CTNNA2: variants seen among roughly 807,000 people sequenced by gnomAD.
CTNNA2 encodes catenin alpha-2.
CTNNA2 carries 42 observed loss-of-function variants against 101.0 expected under a neutral mutation model. The ratio of observed to expected loss-of-function variants is 0.42; its 90% CI spans 0.32 to 0.54. CTNNA2 has a LOEUF of 0.54. Ranked by LOEUF, CTNNA2 falls within the 20% of genes least tolerant of loss-of-function variation. CTNNA2 has a pLI of 0.14. For synonymous variants in CTNNA2, 450 were observed against 456.4 expected, an observed-to-expected ratio of 0.99 and a Z score of 0.18; for missense variants, 871 against 1,223.1, an observed-to-expected ratio of 0.71 and a Z score of 4.29.
At chr2:79,241,914 C>CTTTTCTTTTCT (rs1553385435) in intron 2 of CTNNA2, among the ~76,000 whole-genome samples, 151 of 116,998 alleles carry the variant, frequency 1.3e-3, no homozygotes, top group African/African-American at 3.8e-3. Flanking sequence ...CTTTTCTTTT[C>CTTTTCTTTTCT]TTTTTTTTTG....
chr2:80,466,570 C>T (rs565770117), intron 9 of CTNNA2, among the ~76,000 whole-genome samples: 100 of 152,034 alleles, frequency 6.6e-4, no homozygotes, highest in African/African-American at 2.3e-3. Flanking sequence ...AAAAAGAAAC[C>T]TTTTTCAAAA....
intron 2 of CTNNA2, among the ~76,000 whole-genome samples, chr2:79,255,325 T>C (rs1475255622): frequency 2.0e-5 from 3 of 152,220 alleles, no homozygotes; most frequent in Non-Finnish European, 4.4e-5. Context: ...AAAGTTGCCA[T>C]ATTTCAGAAC....
At chr2:79,305,928 C>T (rs532079102) in intron 2 of CTNNA2, among the ~76,000 whole-genome samples, 1 of 151,558 alleles carries the variant, frequency 6.6e-6, no homozygotes, top group Non-Finnish European at 1.5e-5. Flanking sequence ...CACCTGTAGT[C>T]CCAGCTACTT....
intron 7 of CTNNA2, among the ~76,000 whole-genome samples, chr2:80,239,300 C>G (rs1709714010): frequency 6.6e-6 from 1 of 152,132 alleles, no homozygotes; most frequent in African/African-American, 2.4e-5. Context: ...TAACCACCCC[C>G]AGCTTAGCTA....
chr2:79,219,165 A>C (rs1674308163), intron 2 of CTNNA2, among the ~76,000 whole-genome samples: 1 of 152,158 alleles, frequency 6.6e-6, no homozygotes, highest in Non-Finnish European at 1.5e-5. Flanking sequence ...ATTATTCTTA[A>C]TGGCTATGTA....
At chr2:80,121,456 C>T (rs1193538060) in intron 7 of CTNNA2, among the ~76,000 whole-genome samples, 2 of 152,082 alleles carry the variant, frequency 1.3e-5, no homozygotes, top group Admixed American at 6.5e-5. Flanking sequence ...TTAGTATTAA[C>T]GTCTATCAGA....
intron 7 of CTNNA2, among the ~76,000 whole-genome samples, chr2:79,983,242 A>T (rs1239921855): frequency 1.3e-5 from 2 of 150,280 alleles, no homozygotes; most frequent in South Asian, 2.1e-4. Flanking sequence ...ATAATAATAA[A>T]TTTTTATAGT....
intron 7 of CTNNA2, among the ~76,000 whole-genome samples, chr2:80,208,942 T>A (rs1707710777): frequency 6.6e-6 from 1 of 152,148 alleles, no homozygotes; most frequent in Non-Finnish European, 1.5e-5. Flanking sequence ...TGACCACCCA[T>A]GAGGGTGTGA....
At chr2:80,134,215 G>T (rs907632451) in intron 7 of CTNNA2, among the ~76,000 whole-genome samples, 4 of 152,102 alleles carry the variant, frequency 2.6e-5, no homozygotes, top group African/African-American at 9.7e-5. Context: ...AGGCTGAAAA[G>T]GTTGCAAGCT....
chr2:79,560,144 G>C (rs1470869445), intron 1 of CTNNA2, among the ~76,000 whole-genome samples: 3 of 151,330 alleles, frequency 2.0e-5, no homozygotes, highest in African/African-American at 7.3e-5. Context: ...CTTGGAGCAA[G>C]TGGCTTTTTA....
chr2:80,267,746 A>T (rs2149133709), intron 7 of CTNNA2, among the ~76,000 whole-genome samples: 2 of 152,332 alleles, frequency 1.3e-5, no homozygotes, highest in Non-Finnish European at 2.9e-5. Context: ...AATCTAAGTG[A>T]CCGGAGCCAA....
chr2:79,502,692 A>G (rs1172283620), intron 4 of CTNNA2, among the ~76,000 whole-genome samples: 1 of 152,148 alleles, frequency 6.6e-6, no homozygotes, highest in Non-Finnish European at 1.5e-5. Flanking sequence ...AAAGGAGATG[A>G]GTTTTGTGGT....
At chr2:79,968,841 T>TC (rs1690273339) in intron 7 of CTNNA2, among the ~76,000 whole-genome samples, 3 of 151,980 alleles carry the variant, frequency 2.0e-5, no homozygotes, top group Non-Finnish European at 4.4e-5. Flanking sequence ...TTTTTTTTTT[T>TC]ACTTTGAATC....
intron 3 of CTNNA2, among the ~76,000 whole-genome samples, chr2:79,828,525 G>C (rs1442898166): frequency 6.6e-6 from 1 of 152,164 alleles, no homozygotes; most frequent in Non-Finnish European, 1.5e-5. Context: ...TAGCAGGAAA[G>C]AAAGAATACT....
intron 7 of CTNNA2, among the ~76,000 whole-genome samples, chr2:80,000,618 G>A (rs1165272307): frequency 6.6e-6 from 1 of 152,036 alleles, no homozygotes; most frequent in African/African-American, 2.4e-5. Context: ...TATACTTCCT[G>A]CAAGGGGGTA....
intron 7 of CTNNA2, among the ~76,000 whole-genome samples, chr2:79,988,858 A>T (rs1040346197): frequency 6.6e-6 from 1 of 152,230 alleles, no homozygotes; most frequent in Non-Finnish European, 1.5e-5. Flanking sequence ...AATGAAGATG[A>T]GAAAATAAAA....
rs1487864272 is a variant in CTNNA2, at chr2:80,589,360, G to A, written c.2064G>A (p.Glu688=). ...AGGCAAAAATAGCTGAGCAGGTGGA[G>A]ATATTCCATCAAGAGAAAAGCAAGC... ...EEKAKIAEQV[E]IFHQEKSKLD... Residue 688 remains glutamate (E), a synonymous_variant, in exon 15 of 19, where the codon GAG becomes GAA. Transcript: ENST00000402739. The A allele has an allele frequency of 6.2e-7, 1 of 1,614,022 alleles. No individual in the cohort carries two copies. Among genetic ancestry groups the A allele is most frequent in the South Asian group, 1.1e-5 (1 of 91,086 alleles).
intron 16 of CTNNA2, chr2:80,605,359 T>C (rs1157302622): frequency 2.6e-5 from 4 of 151,994 alleles, no homozygotes; most frequent in African/African-American, 4.8e-5. Context: ...GATTGTATCA[T>C]AAAATATAAG....
intron 13 of CTNNA2, among the ~76,000 whole-genome samples, chr2:80,577,952 A>T (rs917546555): frequency 6.6e-6 from 1 of 152,214 alleles, no homozygotes; most frequent in Admixed American, 6.5e-5. Flanking sequence ...CTCATTTGTA[A>T]AATTTACTCA....
Sources: allele counts gnomAD v4.1 joint callset (sites outside exome capture counted in the v4.1 genomes callset), GRCh38; gene constraint gnomAD v4.1.1; transcripts MANE v1.5; gene names NCBI Gene and HGNC (gene_info 2026-07-23, HGNC 2026-07-21).